The following PPM1L variants were observed in gnomAD, a reference collection of about 807,000 sequenced individuals.
PPM1L encodes the protein protein phosphatase 1L.
Under a neutral mutation model 31.4 loss-of-function variants are expected in PPM1L, and 13 were observed. The observed-to-expected ratio is 0.41, with a 90% CI of 0.27 to 0.66. The LOEUF (loss-of-function observed/expected upper bound fraction) is 0.66. PPM1L is among the 30% of genes least tolerant of loss of function. The pLI is 0.29. For missense variants in PPM1L, 326 were observed against 453.7 expected, an observed-to-expected ratio of 0.72 and a Z score of 2.56; for synonymous variants, 184 against 175.4, an observed-to-expected ratio of 1.05 and a Z score of -0.39.
At chr3:160,967,084 T>C (rs1716174552) in intron 2 of PPM1L, among the ~76,000 whole-genome samples, 1 of 151,828 alleles carries the variant, frequency 6.6e-6, no homozygotes, top group African/African-American at 2.4e-5. Context: ...GTTTTTCCTG[T>C]GCTGTTTTTG....
intron 2 of PPM1L, among the ~76,000 whole-genome samples, chr3:161,021,022 GT>G (rs1427869876): frequency 1.7e-4 from 26 of 151,338 alleles, no homozygotes; most frequent in African/African-American, 6.3e-4. Context: ...ACCTACTTTT[GT>G]TTTTGTTGTA....
At chr3:160,863,042 C>T (rs1006975878) in intron 1 of PPM1L, among the ~76,000 whole-genome samples, 14 of 152,112 alleles carry the variant, frequency 9.2e-5, no homozygotes, top group South Asian at 4.1e-4. Context: ...AGCCTTTGTC[C>T]GACACAATAC....
At chr3:160,788,149 A>G (rs1341661551) in intron 1 of PPM1L, among the ~76,000 whole-genome samples, 1 of 152,012 alleles carries the variant, frequency 6.6e-6, no homozygotes, top group Non-Finnish European at 1.5e-5. Flanking sequence ...CTATGTCTGA[A>G]AAACAACTTT....
chr3:160,769,564 G>A (rs1715193817), intron 1 of PPM1L, among the ~76,000 whole-genome samples: 1 of 151,942 alleles, frequency 6.6e-6, no homozygotes, highest in Admixed American at 6.6e-5. Context: ...TTTCTCCGCT[G>A]TGTGAACTAG....
intron 1 of PPM1L, among the ~76,000 whole-genome samples, chr3:160,852,071 A>T (rs1353081744): frequency 6.6e-6 from 1 of 152,214 alleles, no homozygotes; most frequent in Non-Finnish European, 1.5e-5. Flanking sequence ...GCGAATGAAG[A>T]TTACTTAGGA....
chr3:160,863,483 G>T (rs1711975516), intron 1 of PPM1L, among the ~76,000 whole-genome samples: 1 of 152,026 alleles, frequency 6.6e-6, no homozygotes, highest in South Asian at 2.1e-4. Context: ...CATTTTTGTT[G>T]TCTGGAGAAA....
chr3:160,857,550 A>G (rs890546872), intron 1 of PPM1L, among the ~76,000 whole-genome samples: 1 of 152,122 alleles, frequency 6.6e-6, no homozygotes, highest in African/African-American at 2.4e-5. Flanking sequence ...TGAAGTTCAT[A>G]TGTATAATAG....
At chr3:160,951,859 A>G (rs1370238389) in intron 1 of PPM1L, among the ~76,000 whole-genome samples, 5 of 152,208 alleles carry the variant, frequency 3.3e-5, no homozygotes, top group Non-Finnish European at 2.9e-5. Flanking sequence ...CCTCTGTGGT[A>G]GTCGCTTTAC....
chr3:160,944,802 CATATATAACATATATA>C (rs1715286977), intron 1 of PPM1L, among the ~76,000 whole-genome samples: 2 of 14,336 alleles, frequency 1.4e-4, no homozygotes, highest in African/African-American at 3.0e-4. Flanking sequence ...TTATATATAA[CATATATAACATATATA>C]TGTTATATAT....
intron 2 of PPM1L, among the ~76,000 whole-genome samples, chr3:161,040,460 A>G (rs1335257355): frequency 1.3e-5 from 2 of 152,218 alleles, no homozygotes; most frequent in African/African-American, 4.8e-5. Flanking sequence ...AAAATTTGCA[A>G]GTAAGAGCAA....
intron 1 of PPM1L, among the ~76,000 whole-genome samples, chr3:160,890,429 G>A (rs759197385): frequency 6.6e-6 from 1 of 152,028 alleles, no homozygotes. Context: ...TACAGCTAAC[G>A]AGATGTGAAG....
intron 1 of PPM1L, among the ~76,000 whole-genome samples, chr3:160,890,957 C>T (rs1258806586): frequency 2.0e-5 from 3 of 152,132 alleles, no homozygotes; most frequent in African/African-American, 7.2e-5. Context: ...TTCTTTACAC[C>T]TTATACAAAA....
intron 1 of PPM1L, among the ~76,000 whole-genome samples, chr3:160,893,410 T>G (rs1348877070): frequency 2.0e-5 from 3 of 152,206 alleles, no homozygotes; most frequent in Non-Finnish European, 4.4e-5. Context: ...CACTCAGCAT[T>G]TTTGTTTAAC....
At chr3:160,800,519 T>C (rs1213438351) in intron 1 of PPM1L, among the ~76,000 whole-genome samples, 2 of 152,192 alleles carry the variant, frequency 1.3e-5, no homozygotes, top group Non-Finnish European at 2.9e-5. Flanking sequence ...ATGTTTTGGA[T>C]CCATAAGCCA....
intron 2 of PPM1L, among the ~76,000 whole-genome samples, chr3:161,001,640 A>T (rs1251293504): frequency 1.3e-5 from 2 of 152,292 alleles, no homozygotes; most frequent in South Asian, 4.1e-4. Context: ...CCATTAAAAA[A>T]TTATTTCATA....
chr3:160,923,269 G>A (rs1714475372), intron 1 of PPM1L, among the ~76,000 whole-genome samples: 1 of 152,188 alleles, frequency 6.6e-6, no homozygotes, highest in South Asian at 2.1e-4. Context: ...TCCTGTTGAA[G>A]CCAGTAAGGA....
intron 2 of PPM1L, among the ~76,000 whole-genome samples, chr3:160,976,449 G>A (rs898220600): frequency 2.1e-5 from 3 of 145,340 alleles, no homozygotes; most frequent in Non-Finnish European, 4.5e-5. Flanking sequence ...AGAAGGAATG[G>A]TACCAGTTCC....
chr3:160,966,225 A>G (rs977775153), intron 2 of PPM1L, among the ~76,000 whole-genome samples: 2 of 152,132 alleles, frequency 1.3e-5, no homozygotes, highest in Non-Finnish European at 2.9e-5. Flanking sequence ...TCATTAGGTT[A>G]TATTTTCCAA....
At chr3:160,778,959 A>T (rs950445942) in intron 1 of PPM1L, among the ~76,000 whole-genome samples, 6 of 152,140 alleles carry the variant, frequency 3.9e-5, no homozygotes, top group African/African-American at 1.4e-4. Context: ...TTTGTGCATA[A>T]TCCACAATAA....
Sources: gnomAD v4.1 joint callset for allele counts (sites outside exome capture counted in the v4.1 genomes callset) on GRCh38, gnomAD v4.1.1 for gene constraint, MANE v1.5 for transcripts, NCBI Gene and HGNC (gene_info 2026-07-23, HGNC 2026-07-21) for gene names.